Variants in ADAMTS12 observed in about 807,000 individuals in gnomAD.
ADAMTS12 encodes A disintegrin and metalloproteinase with thrombospondin motifs 12.
In ADAMTS12, 118 loss-of-function variants were observed where a neutral mutation model predicts 167.8. The observed-to-expected ratio is 0.70, with a 90% confidence interval of 0.61 to 0.82. The LOEUF (loss-of-function observed/expected upper bound fraction) is 0.82. ADAMTS12 is among the 40% of genes least tolerant of loss of function. ADAMTS12 has a pLI of 0.00. For synonymous variants in ADAMTS12, 704 were observed against 716.9 expected, an observed-to-expected ratio of 0.98 and a Z score of 0.29; for missense variants, 1,916 against 1,998.8, an observed-to-expected ratio of 0.96 and a Z score of 0.79.
At chr5:33,752,730 A>C (rs982065264) in intron 2 of ADAMTS12, among the ~76,000 whole-genome samples, 1 of 152,160 alleles carries the variant, frequency 6.6e-6, no homozygotes, top group Non-Finnish European at 1.5e-5. Flanking sequence ...GAAACTGCAA[A>C]AGGCTTTCAA....
intron 22 of ADAMTS12, among the ~76,000 whole-genome samples, chr5:33,544,438 T>A (rs895507414): frequency 2.7e-5 from 4 of 149,776 alleles, no homozygotes; most frequent in Non-Finnish European, 5.9e-5. Context: ...CATATTGCCC[T>A]AGGTAATTTA....
At chr5:33,714,560 A>G (rs535284927) in intron 3 of ADAMTS12, among the ~76,000 whole-genome samples, 7 of 152,258 alleles carry the variant, frequency 4.6e-5, no homozygotes, top group South Asian at 2.1e-4. Flanking sequence ...AATGTCCATC[A>G]ACAGATGAAC....
intron 2 of ADAMTS12, among the ~76,000 whole-genome samples, chr5:33,864,013 T>C (rs1216932857): frequency 1.3e-5 from 2 of 152,168 alleles, no homozygotes; most frequent in East Asian, 3.8e-4. Flanking sequence ...TGCAGAAAAC[T>C]GAAACTGGAC....
intron 12 of ADAMTS12, among the ~76,000 whole-genome samples, chr5:33,631,916 G>A (rs555753753): frequency 6.6e-5 from 10 of 152,228 alleles, no homozygotes; most frequent in South Asian, 4.2e-4. Context: ...AAGGCTATTC[G>A]TCATGGGCCC....
intron 14 of ADAMTS12, among the ~76,000 whole-genome samples, chr5:33,617,057 C>T (rs1403752766): frequency 1.3e-5 from 2 of 152,280 alleles, no homozygotes; most frequent in East Asian, 1.9e-4. Flanking sequence ...CTAGTCTCTG[C>T]GTTTCTGCAA....
rs1356185713 is a variant in ADAMTS12, at chr5:33,571,269, C to T, written c.3972+4785G>A. ...ACCTAATAGACATCTACAGAACTCT[C>T]CACCCTAAATCAACAGAATATACAT... is the stretch of plus-strand genomic sequence containing the variant. On this transcript the variant is annotated intron_variant, in intron 19 of 23. Coordinates refer to ENST00000504830, the MANE Select transcript of ADAMTS12 (RefSeq NM_030955.4). Among the ~76,000 whole-genome samples, 3 of 152,154 alleles carry T rather than the reference C, an allele frequency of 2.0e-5. No individual in the cohort carries two copies. The South Asian group carries it at 6.2e-4, about 32-fold the overall frequency.
chr5:33,741,737 C>G lies in ADAMTS12; in HGVS notation c.634+9667G>C, dbSNP rs146843735. 7.1e-3 allele frequency among the ~76,000 whole-genome samples: 1,079 copies of G among 152,244 alleles called. 13 individuals carry two copies. Among genetic ancestry groups the G allele is most frequent in the African/African-American group, 0.025 (1,043 of 41,538 alleles). Reference sequence around the variant, plus strand: ...CCGCCTCCCGGGTTCAAGCGATTCTCCTGCCTCAGCCTCCCGAGTAGCTGG... The same window carrying G: ...CCGCCTCCCGGGTTCAAGCGATTCTGCTGCCTCAGCCTCCCGAGTAGCTGG... On this transcript the variant is annotated intron_variant, in intron 3 of 23. Transcript: ENST00000504830.
At chr5:33,845,658 G>A (rs186484156) in intron 2 of ADAMTS12, among the ~76,000 whole-genome samples, 4 of 152,274 alleles carry the variant, frequency 2.6e-5, no homozygotes, top group Non-Finnish European at 4.4e-5. Flanking sequence ...AGAGAAAAAA[G>A]ACTAACTTTA....
chr5:33,820,610 A>C (rs1747834130), intron 2 of ADAMTS12, among the ~76,000 whole-genome samples: 1 of 150,642 alleles, frequency 6.6e-6, no homozygotes, highest in Admixed American at 6.7e-5. Context: ...GGGTTTTTTA[A>C]TTACTAAACT....
intron 20 of ADAMTS12, among the ~76,000 whole-genome samples, chr5:33,552,088 TC>T (rs1448792364): frequency 6.6e-6 from 1 of 152,216 alleles, no homozygotes; most frequent in Non-Finnish European, 1.5e-5. Context: ...TTTGTTTAAT[TC>T]CTGTGATTTG....
At chr5:33,635,671 G>A (rs993860841) in intron 12 of ADAMTS12, among the ~76,000 whole-genome samples, 1 of 152,150 alleles carries the variant, frequency 6.6e-6, no homozygotes, top group African/African-American at 2.4e-5. Context: ...GGATGCCTGG[G>A]AGGCTGTAAG....
chr5:33,571,604 A>G (rs1746353117), intron 19 of ADAMTS12, among the ~76,000 whole-genome samples: 1 of 152,098 alleles, frequency 6.6e-6, no homozygotes, highest in Non-Finnish European at 1.5e-5. Context: ...AGCAGCGTGT[A>G]GAGGGAAATT....
intron 2 of ADAMTS12, among the ~76,000 whole-genome samples, chr5:33,864,618 G>C (rs924072177): frequency 2.0e-5 from 3 of 152,202 alleles, no homozygotes; most frequent in Non-Finnish European, 4.4e-5. Flanking sequence ...ACTGGATAGA[G>C]AAAATGTGGC....
rs150272111 is a variant in ADAMTS12, at chr5:33,596,757, G to A, written c.2528-697C>T. Among the ~76,000 whole-genome samples the A allele has an allele frequency of 3.5e-3, 540 of 152,366 alleles. 2 individuals are homozygous for A. Among genetic ancestry groups the A allele is most frequent in the African/African-American group, 0.012 (488 of 41,586 alleles). On this transcript the variant is annotated intron_variant, in intron 16 of 23. Coordinates refer to ENST00000504830, the MANE Select transcript of ADAMTS12 (RefSeq NM_030955.4). Reference sequence around the variant, plus strand: ...ATGAGGCAATTGCTACATTATTAGCGTAATTAAAGGATAGAGGAGACAGAT... The same window carrying A: ...ATGAGGCAATTGCTACATTATTAGCATAATTAAAGGATAGAGGAGACAGAT...
chr5:33,646,452 A>C (rs2112184303), intron 9 of ADAMTS12, among the ~76,000 whole-genome samples: 1 of 152,234 alleles, frequency 6.6e-6, no homozygotes, highest in Middle Eastern at 3.4e-3. Context: ...GGTGACCTGA[A>C]ATCTAGGTAC....
At chr5:33,605,960 T>C (rs1738418594) in intron 16 of ADAMTS12, among the ~76,000 whole-genome samples, 1 of 151,786 alleles carries the variant, frequency 6.6e-6, no homozygotes. Context: ...ATCCTCTCTT[T>C]TTTTTGAGAT....
chr5:33,650,527 A>G (rs1215252482), intron 7 of ADAMTS12, among the ~76,000 whole-genome samples: 1 of 152,238 alleles, frequency 6.6e-6, no homozygotes, highest in Non-Finnish European at 1.5e-5. Context: ...GTCAACAATC[A>G]TATAGCTTGT....
At chr5:33,888,682 A>G (rs1162657950) in intron 1 of ADAMTS12, among the ~76,000 whole-genome samples, 1 of 152,212 alleles carries the variant, frequency 6.6e-6, no homozygotes, top group Non-Finnish European at 1.5e-5. Context: ...GGAGCAAAAG[A>G]GGTCATGGAA....
At chr5:33,833,551 C>T (rs565950083) in intron 2 of ADAMTS12, among the ~76,000 whole-genome samples, 1 of 152,288 alleles carries the variant, frequency 6.6e-6, no homozygotes, top group South Asian at 2.1e-4. Flanking sequence ...TAAAATATCT[C>T]AAACTGTATA....
Sources: gnomAD v4.1 joint callset for allele counts (sites outside exome capture counted in the v4.1 genomes callset) on GRCh38, gnomAD v4.1.1 for gene constraint, MANE v1.5 for transcripts, NCBI Gene and HGNC (gene_info 2026-07-23, HGNC 2026-07-21) for gene names.